SEMA6D: variants seen among roughly 807,000 people sequenced by gnomAD.
SEMA6D encodes the protein semaphorin-6D.
A neutral mutation model predicts 106.6 loss-of-function variants in SEMA6D; 35 were observed. The observed-to-expected ratio is 0.33, with a 90% CI of 0.25 to 0.44. SEMA6D has a LOEUF of 0.44. Ranked by LOEUF, SEMA6D falls within the 20% of genes least tolerant of loss-of-function variation. SEMA6D has a pLI of 1.00. For missense variants in SEMA6D, 1,185 were observed against 1,345.9 expected, an observed-to-expected ratio of 0.88 and a Z score of 1.87; for synonymous variants, 499 against 487.7, an observed-to-expected ratio of 1.02 and a Z score of -0.31.
chr15:47,720,574 G>T (rs570030979), intron 1 of SEMA6D, among the ~76,000 whole-genome samples: 249 of 152,130 alleles, frequency 1.6e-3, no homozygotes, highest in Non-Finnish European at 2.9e-3. Flanking sequence ...GCACAGAAAG[G>T]CTCTGTCCAG....
At chr15:47,208,884 C>G (rs760391164) in intron 1 of SEMA6D, among the ~76,000 whole-genome samples, 1 of 151,872 alleles carries the variant, frequency 6.6e-6, no homozygotes, top group Non-Finnish European at 1.5e-5. Flanking sequence ...ACTAGAGTCC[C>G]TCATACTGCC....
At chr15:47,503,614 A>C (rs1380913221) in intron 3 of SEMA6D, among the ~76,000 whole-genome samples, 1 of 152,046 alleles carries the variant, frequency 6.6e-6, no homozygotes, top group African/African-American at 2.4e-5. Context: ...CATAAACATT[A>C]ATGTCACTTT....
intron 1 of SEMA6D, among the ~76,000 whole-genome samples, chr15:47,253,472 C>T (rs529900336): frequency 6.6e-6 from 1 of 152,170 alleles, no homozygotes; most frequent in South Asian, 2.1e-4. Context: ...TGTTTTCTTT[C>T]AGTAGTTTTA....
rs765566282 is a variant in SEMA6D at position 47,765,945 on chromosome 15, G to T, written c.1504G>T (p.Ala502Ser). ...LDKDHHALYV[A>S]FSSCIIRIPL... Reference sequence around the variant, plus strand: ...TAAAGATCACCACGCTTTATATGTGGCGTTCTCTAGCTGCATTATCCGCAT... The same window carrying T: ...TAAAGATCACCACGCTTTATATGTGTCGTTCTCTAGCTGCATTATCCGCAT... Residue 502 changes from alanine to serine, a missense_variant, in exon 14 of 19, where the codon GCG becomes TCG. By Grantham distance (99) the Ala-to-Ser change is moderately conservative. Around this residue, in one of 3 missense-constraint regions of SEMA6D, gnomAD observed 750 missense variants for 783.5 expected, o/e 0.96. Transcript: ENST00000536845. The T allele has an allele frequency of 7.6e-6, 12 of 1,585,664 alleles. No individual in the cohort carries two copies. The highest frequency in any genetic ancestry group is 1.2e-5 in the South Asian group (1 of 85,448).
intron 1 of SEMA6D, among the ~76,000 whole-genome samples, chr15:47,314,835 A>G (rs1399160158): frequency 6.8e-6 from 1 of 146,448 alleles, no homozygotes; most frequent in East Asian, 2.0e-4. Flanking sequence ...TCAAACCCAA[A>G]TCATCTAGGT....
intron 4 of SEMA6D, among the ~76,000 whole-genome samples, chr15:47,636,362 G>A (rs1033377421): frequency 1.3e-5 from 2 of 152,138 alleles, no homozygotes; most frequent in African/African-American, 4.8e-5. Flanking sequence ...AATGCAAAGA[G>A]GACAATAATG....
intron 4 of SEMA6D, among the ~76,000 whole-genome samples, chr15:47,696,243 G>A (rs914313644): frequency 5.3e-5 from 8 of 152,094 alleles, no homozygotes; most frequent in African/African-American, 1.9e-4. Context: ...CCCATTTATA[G>A]TATCTACTCC....
At position 47,518,435 on chromosome 15, in the gene SEMA6D, G is replaced by T. The variant is rs185626962; in HGVS notation, c.-87+47890G>T. Among the ~76,000 whole-genome samples the T allele has an allele frequency of 9.2e-5, 14 of 152,280 alleles. No homozygotes were observed. In the East Asian group the frequency reaches 2.5e-3, roughly 27 times the overall value. On this transcript the variant is annotated intron_variant, in intron 3 of 19. Coordinates refer to the SEMA6D transcript ENST00000558014. ...ATTTAAGAACAGGGATACATTGTAA[G>T]AAATGTGGTATTAGGTGATTTTGTC... is the stretch of plus-strand genomic sequence containing the variant.
intron 1 of SEMA6D, among the ~76,000 whole-genome samples, chr15:47,245,500 T>G (rs2033149187): frequency 6.6e-6 from 1 of 152,170 alleles, no homozygotes; most frequent in Non-Finnish European, 1.5e-5. Flanking sequence ...GAGAAGCAAG[T>G]CAGAACTCTC....
At chr15:47,330,362 G>T (rs1033965876) in intron 1 of SEMA6D, among the ~76,000 whole-genome samples, 1 of 152,266 alleles carries the variant, frequency 6.6e-6, no homozygotes, top group Non-Finnish European at 1.5e-5. Context: ...TCCTAGAAGG[G>T]ATCATTAAAT....
At position 47,191,178 on chromosome 15, in the gene SEMA6D, CATAT is replaced by C. The variant is rs71425589; in HGVS notation, c.-239+6776_-239+6779del. ...AACAGAGTGATACCCTGTCTCAAAA[CATAT>C]ATATATATATATATACTTGATATTC... On this transcript the variant is annotated intron_variant, in intron 1 of 19. Coordinates refer to the SEMA6D transcript ENST00000558014. 1.1e-4 allele frequency among the ~76,000 whole-genome samples: 16 copies of C among 148,674 alleles called. No homozygotes were observed. In the South Asian group the frequency reaches 1.5e-3, roughly 14 times the overall value.
chr15:47,245,059 C>A (rs1312900359), intron 1 of SEMA6D, among the ~76,000 whole-genome samples: 1 of 150,200 alleles, frequency 6.7e-6, no homozygotes, highest in Non-Finnish European at 1.5e-5. Context: ...GTGTGGTATT[C>A]CATGGTATAT....
chr15:47,366,835 G>C (rs1242854602), intron 1 of SEMA6D, among the ~76,000 whole-genome samples: 2 of 152,202 alleles, frequency 1.3e-5, no homozygotes, highest in East Asian at 1.9e-4. Flanking sequence ...GGTAGGGCCA[G>C]ATCACATAGA....
At chr15:47,323,120 G>T (rs1302148550) in intron 1 of SEMA6D, among the ~76,000 whole-genome samples, 1 of 152,046 alleles carries the variant, frequency 6.6e-6, no homozygotes, top group African/African-American at 2.4e-5. Flanking sequence ...CTATGTAAGT[G>T]TTGTGGCTTT....
intron 4 of SEMA6D, among the ~76,000 whole-genome samples, chr15:47,707,197 A>G (rs1350664740): frequency 6.6e-6 from 1 of 152,208 alleles, no homozygotes; most frequent in Non-Finnish European, 1.5e-5. Flanking sequence ...GAAAATTGAG[A>G]GGAGCTACTG....
intron 3 of SEMA6D, among the ~76,000 whole-genome samples, chr15:47,571,557 T>A (rs2046383499): frequency 6.6e-6 from 1 of 152,200 alleles, no homozygotes; most frequent in Non-Finnish European, 1.5e-5. Flanking sequence ...TCAATCCAGG[T>A]TTAAGAAAGC....
intron 3 of SEMA6D, among the ~76,000 whole-genome samples, chr15:47,566,141 G>A (rs1302690254): frequency 4.6e-5 from 7 of 152,162 alleles, no homozygotes; most frequent in Non-Finnish European, 7.3e-5. Context: ...AACTGACAGC[G>A]GCAGATGTCT....
At chr15:47,606,081 C>T (rs1035963213) in intron 4 of SEMA6D, among the ~76,000 whole-genome samples, 2 of 152,164 alleles carry the variant, frequency 1.3e-5, no homozygotes, top group African/African-American at 4.8e-5. Flanking sequence ...CATTAGAACA[C>T]ATATGCTCCT....
intron 3 of SEMA6D, among the ~76,000 whole-genome samples, chr15:47,471,986 A>C (rs981573761): frequency 1.3e-5 from 2 of 151,484 alleles, no homozygotes; most frequent in African/African-American, 4.8e-5. Flanking sequence ...AAAAAGAGAA[A>C]GAGAGAGAGG....
Sources: allele counts gnomAD v4.1 joint callset (sites outside exome capture counted in the v4.1 genomes callset), GRCh38; gene constraint gnomAD v4.1.1; regional missense constraint gnomAD v4.1.1; transcripts MANE v1.5; gene names NCBI Gene and HGNC (gene_info 2026-07-23, HGNC 2026-07-21).